FKBP9: variants seen among roughly 807,000 people sequenced by gnomAD.
FKBP9 encodes the protein FKBP prolyl isomerase 9.
In FKBP9, 27 loss-of-function variants were observed where a neutral mutation model predicts 55.6. That is an observed-to-expected ratio of 0.49 (90% CI 0.36 to 0.67). The LOEUF (loss-of-function observed/expected upper bound fraction) is 0.67. FKBP9 is among the 30% of genes least tolerant of loss of function. The pLI, the probability that FKBP9 is intolerant of heterozygous loss-of-function variation, is 0.00. For synonymous variants in FKBP9, 267 were observed against 296.5 expected (o/e 0.90, Z 1.02); for missense variants, 539 against 742.8 (o/e 0.73, Z 3.19).
chr7:32,996,653 C>CCTTCCTT (rs1562574942), intron 7 of FKBP9, among the ~76,000 whole-genome samples: 3 of 141,070 alleles, frequency 2.1e-5, no homozygotes, highest in Admixed American at 1.4e-4. Context: ...TTCCTTCCTT[C>CCTTCCTT]CTTCCTTGCT....
At chr7:32,983,784 G>A (rs1327137085) in intron 5 of FKBP9, among the ~76,000 whole-genome samples, 1 of 152,140 alleles carries the variant, frequency 6.6e-6, no homozygotes, top group Admixed American at 6.5e-5. Flanking sequence ...GATACCTGTG[G>A]TTTTAATCTG....
intron 5 of FKBP9, 128 bp downstream of exon 5, chr7:32,980,681 G>A (rs1261582120): frequency 4.5e-5 from 64 of 1,409,000 alleles, no homozygotes; most frequent in Non-Finnish European, 6.1e-5. Flanking sequence ...TCTAATACAA[G>A]TTTCTGTTTT....
intron 1 of FKBP9, among the ~76,000 whole-genome samples, chr7:32,970,037 T>G (rs1411562801): frequency 7.8e-6 from 1 of 128,946 alleles, no homozygotes; most frequent in South Asian, 2.5e-4. Flanking sequence ...TTTAGTTTAG[T>G]TTTTTTTTTT....
rs1783928791 is a variant in FKBP9, at chr7:32,957,727, C to T, written c.154C>T (p.Arg52Cys). The change falls in exon 1 of 10, where the codon CGC becomes TGC. Residue 52 changes from arginine to cysteine, a missense_variant. By Grantham distance (180) the Arg-to-Cys change is radical. Around this residue, in one of 4 missense-constraint regions of FKBP9, gnomAD observed 236 missense variants for 271.5 expected, o/e 0.87. Transcript: ENST00000242209. ...GCCCGACGAGTGCCCGCGCACCGTGCGCAGCGGCGACTTCGTGCGCTACCA... is the reference window on the plus strand; with the variant it reads ...GCCCGACGAGTGCCCGCGCACCGTGTGCAGCGGCGACTTCGTGCGCTACCA... ...FVPDECPRTV[R>C]SGDFVRYHYV... 2.6e-6 allele frequency: 4 copies of T among 1,524,164 alleles called. No homozygotes were observed. The highest frequency in any genetic ancestry group is 2.6e-6 in the Non-Finnish European group (3 of 1,140,364). 94.4% of individuals were successfully genotyped at this position (1,524,164 alleles called of 1,614,324 possible).
chr7:32,973,837 C>T (rs11770028), intron 1 of FKBP9, among the ~76,000 whole-genome samples: 761 of 18,568 alleles, frequency 0.041, 119 homozygotes, highest in East Asian at 0.08. Context: ...ATTACAGGCG[C>T]CTGCCACCAC....
In FKBP9 at chr7:32,994,458, A is replaced by G. The variant is rs1784745539; in HGVS notation, c.1040-1705A>G. On this transcript the variant is annotated intron_variant, in intron 6 of 9. Transcript: ENST00000242209. ...AGGAACCATAGATCTGCCTCTGCAG[A>G]CACCCACCCTGTCCATGTGTGTTAG... Among the ~76,000 whole-genome samples the G allele has an allele frequency of 2.6e-5, 4 of 152,196 alleles. No individual in the cohort carries two copies. In the South Asian group the frequency reaches 8.3e-4, roughly 32 times the overall value.
At chr7:32,985,207 G>A (rs1388669876) in intron 5 of FKBP9, among the ~76,000 whole-genome samples, 2 of 142,288 alleles carry the variant, frequency 1.4e-5, no homozygotes, top group African/African-American at 2.6e-5. Flanking sequence ...ACGGAGCCTC[G>A]CTTCTTTGCC....
intron 6 of FKBP9, chr7:32,988,887 C>A (rs1272118149): frequency 7.6e-6 from 3 of 392,364 alleles, no homozygotes; most frequent in Non-Finnish European, 1.4e-5. Flanking sequence ...CACCACCACA[C>A]CCTGCACAGA....
chr7:32,988,531 C>T lies in FKBP9; in HGVS notation c.918C>T (p.Asp306=). Residue 306 remains aspartate (D), a synonymous_variant, in exon 6 of 10, where the codon GAC becomes GAT. Transcript: ENST00000242209. ...GCTACTCTCGGAACCGCACGTTTGA[C>T]ACGTACATTGGGCAGGGCTACGTGA... ...DSSYSRNRTF[D]TYIGQGYVIP... is the part of the protein sequence containing the mutation. 1 of 1,613,884 alleles carries T rather than the reference C, an allele frequency of 6.2e-7. No homozygotes were observed. Among genetic ancestry groups the T allele is most frequent in the Non-Finnish European group, 8.5e-7 (1 of 1,179,844 alleles).
chr7:32,983,839 T>C (rs756370167), intron 5 of FKBP9, among the ~76,000 whole-genome samples: 1 of 152,248 alleles, frequency 6.6e-6, no homozygotes, highest in Non-Finnish European at 1.5e-5. Flanking sequence ...GGGTGTTTAT[T>C]TGAGTACTTT....
chr7:32,985,137 T>C (rs2127984663), intron 5 of FKBP9, among the ~76,000 whole-genome samples: 1 of 152,106 alleles, frequency 6.6e-6, no homozygotes, highest in African/African-American at 2.4e-5. Context: ...CCCCTCTTCA[T>C]AGGGAACCAG....
Position 32,974,770 on chromosome 7 carries a change from T to C in FKBP9, c.367+8T>C. On this transcript the variant is annotated splice_region_variant and intron_variant, in intron 2 of 9. Transcript: ENST00000242209. ...ACGGAAATGAAGGAGTTTGTAAGCTTTTCTTCCTCGTTTATAAACACGTCA... is the reference window on the plus strand; with the variant it reads ...ACGGAAATGAAGGAGTTTGTAAGCTCTTCTTCCTCGTTTATAAACACGTCA... 6.2e-7 allele frequency: 1 copy of C among 1,612,096 alleles called. No homozygotes were observed. Among genetic ancestry groups the C allele is most frequent in the South Asian group, 1.1e-5 (1 of 90,808 alleles).
intron 8 of FKBP9, among the ~76,000 whole-genome samples, chr7:33,001,691 C>G (rs1031618345): frequency 6.6e-6 from 1 of 151,876 alleles, no homozygotes; most frequent in African/African-American, 2.4e-5. Flanking sequence ...ACTTAGATAA[C>G]TTCTTTGGAC....
intron 4 of FKBP9, chr7:32,979,325 A>G (rs967246963): frequency 3.3e-6 from 2 of 610,212 alleles, no homozygotes; most frequent in African/African-American, 1.9e-5. Context: ...TAAGGCTTTC[A>G]TTTTTCTCTT....
In FKBP9 at chr7:32,980,568, A is replaced by T. The variant is rs765830287; in HGVS notation, c.893+15A>T. 1 of 1,612,032 alleles carries T rather than the reference A, an allele frequency of 6.2e-7. No individual in the cohort carries two copies. The highest frequency in any genetic ancestry group is 1.1e-5 in the South Asian group (1 of 90,890). ...TTTGATTCCAGGTAAGGAAATGATT[A>T]AAGTCTTCAATTGCCAGAACATTGT... On this transcript the variant is annotated intron_variant, in intron 5 of 9. Coordinates refer to ENST00000242209, the MANE Select transcript of FKBP9 (RefSeq NM_007270.5).
In FKBP9 at chr7:32,975,195, C is replaced by T. The variant is rs1252614399; in HGVS notation, c.381C>T (p.Pro127=). The change falls in exon 3 of 10, where the codon CCC becomes CCT. Residue 127 remains proline, a synonymous_variant. Transcript: ENST00000242209. ...YGNEGVSGVI[P]PNSVLHFDVL... ...TTTAATTTCTAGCTGGTGTGATCCC[C>T]CCCAATTCAGTGCTTCATTTTGATG... 1.9e-6 allele frequency: 3 copies of T among 1,613,622 alleles called. No individual in the cohort carries two copies. The highest frequency in any genetic ancestry group is 1.7e-6 in the Non-Finnish European group (2 of 1,179,536).
At chr7:32,969,177 T>C (rs1242911083) in intron 1 of FKBP9, among the ~76,000 whole-genome samples, 1 of 152,084 alleles carries the variant, frequency 6.6e-6, no homozygotes, top group Non-Finnish European at 1.5e-5. Context: ...AAACATTTTC[T>C]CCCATTTTTT....
chr7:32,963,501 G>C (rs1287947769), intron 1 of FKBP9: 2 of 681,890 alleles, frequency 2.9e-6, no homozygotes, highest in African/African-American at 3.7e-5. Flanking sequence ...CCTCATTGGG[G>C]CTTCATTTTA....
At chr7:32,977,885 A>G (rs558922566) in intron 4 of FKBP9, among the ~76,000 whole-genome samples, 1 of 142,994 alleles carries the variant, frequency 7.0e-6, no homozygotes, top group Non-Finnish European at 1.5e-5. Flanking sequence ...ATATATATGT[A>G]TATATACACT....
Sources: gnomAD v4.1 joint callset for allele counts (sites outside exome capture counted in the v4.1 genomes callset) on GRCh38, gnomAD v4.1.1 for gene constraint, gnomAD v4.1.1 regional missense constraint, MANE v1.5 for transcripts, NCBI Gene and HGNC (gene_info 2026-07-23, HGNC 2026-07-21) for gene names.